ROBO1: variants seen among roughly 807,000 people sequenced by gnomAD.
ROBO1 encodes the protein roundabout guidance receptor 1.
Under a neutral mutation model 195.9 loss-of-function variants are expected in ROBO1, and 149 were observed. That is an observed-to-expected ratio of 0.76 (90% CI 0.67 to 0.87). The LOEUF (loss-of-function observed/expected upper bound fraction) is 0.87. ROBO1 is among the 40% of genes least tolerant of loss of function. ROBO1 has a pLI of 0.00. For missense variants in ROBO1, 1,933 were observed against 2,068.3 expected (o/e 0.93, Z 1.27); for synonymous variants, 816 against 733.2 (o/e 1.11, Z -1.82).
At chr3:78,612,067 T>C (rs1181447815) in intron 28 of ROBO1, among the ~76,000 whole-genome samples, 2 of 152,212 alleles carry the variant, frequency 1.3e-5, no homozygotes, top group African/African-American at 4.8e-5. Flanking sequence ...AAATTACTCT[T>C]TATCCGTTCA....
intron 1 of ROBO1, among the ~76,000 whole-genome samples, chr3:79,606,052 A>G (rs767167274): frequency 1.3e-5 from 2 of 151,194 alleles, no homozygotes; most frequent in Non-Finnish European, 2.9e-5. Flanking sequence ...ATATATATAT[A>G]CACCCATTTA....
intron 10 of ROBO1, among the ~76,000 whole-genome samples, chr3:78,684,506 G>T (rs2081006247): frequency 6.6e-6 from 1 of 152,076 alleles, no homozygotes; most frequent in Non-Finnish European, 1.5e-5. Context: ...TTACTTCACG[G>T]CATGCGTATT....
intron 4 of ROBO1, among the ~76,000 whole-genome samples, chr3:78,862,702 A>G (rs915389232): frequency 6.6e-6 from 1 of 152,138 alleles, no homozygotes; most frequent in Non-Finnish European, 1.5e-5. Context: ...AAATATGTTA[A>G]AAGTTAATCA....
chr3:79,400,792 A>G lies in ROBO1; in HGVS notation c.88+189032T>C, dbSNP rs554271907. On this transcript the variant is annotated intron_variant, in intron 2 of 30. Coordinates refer to ENST00000464233, the MANE Select transcript of ROBO1 (RefSeq NM_002941.4). ...TTGATTAATTGGTTAATTGATGTAT[A>G]TATGTGTAAATGGATGGGTTTTATT... 4.6e-5 allele frequency among the ~76,000 whole-genome samples: 7 copies of G among 152,084 alleles called. No individual in the cohort carries two copies. In the South Asian group the frequency reaches 1.5e-3, roughly 32 times the overall value.
intron 3 of ROBO1, among the ~76,000 whole-genome samples, chr3:79,099,281 T>G (rs1026616272): frequency 1.3e-5 from 2 of 151,704 alleles, no homozygotes; most frequent in Non-Finnish European, 2.9e-5. Flanking sequence ...GCTTACATAT[T>G]GGGCACACAA....
At chr3:79,701,456 A>G (rs980398252) in intron 1 of ROBO1, among the ~76,000 whole-genome samples, 8 of 151,750 alleles carry the variant, frequency 5.3e-5, no homozygotes, top group Non-Finnish European at 2.9e-5. Context: ...TGACAGAACT[A>G]TGAGCTAAAA....
At chr3:79,070,794 C>A (rs1042859057) in intron 3 of ROBO1, among the ~76,000 whole-genome samples, 1 of 151,780 alleles carries the variant, frequency 6.6e-6, no homozygotes, top group African/African-American at 2.4e-5. Context: ...TCAGGCATCA[C>A]TTTCAGCCAA....
At chr3:78,680,688 T>A (rs1159264678) in intron 10 of ROBO1, among the ~76,000 whole-genome samples, 1 of 145,030 alleles carries the variant, frequency 6.9e-6, no homozygotes, top group Non-Finnish European at 1.5e-5. Flanking sequence ...AAACAACAGG[T>A]GCTGGAGAGG....
intron 3 of ROBO1, among the ~76,000 whole-genome samples, chr3:79,000,977 T>C (rs960928783): frequency 1.3e-5 from 2 of 152,092 alleles, no homozygotes; most frequent in African/African-American, 4.8e-5. Flanking sequence ...TGCAGGGACA[T>C]GGATGGAGCT....
At chr3:79,119,466 C>A (rs2080075983) in intron 3 of ROBO1, among the ~76,000 whole-genome samples, 1 of 152,138 alleles carries the variant, frequency 6.6e-6, no homozygotes, top group Non-Finnish European at 1.5e-5. Context: ...TGCTTGCTTG[C>A]ATATTTTCCA....
At chr3:78,850,944 T>TTA (rs2034020426) in intron 4 of ROBO1, among the ~76,000 whole-genome samples, 2 of 151,958 alleles carry the variant, frequency 1.3e-5, no homozygotes, top group Non-Finnish European at 2.9e-5. Context: ...GTAGCTGGGA[T>TTA]TACAGGTGCC....
intron 1 of ROBO1, among the ~76,000 whole-genome samples, chr3:79,654,833 A>C (rs1946113547): frequency 1.3e-5 from 2 of 151,922 alleles, no homozygotes; most frequent in South Asian, 4.1e-4. Context: ...CTGATAAACT[A>C]TTCCTATTTC....
intron 3 of ROBO1, among the ~76,000 whole-genome samples, chr3:78,958,089 T>C (rs1009281423): frequency 1.3e-5 from 2 of 152,226 alleles, no homozygotes; most frequent in African/African-American, 4.8e-5. Context: ...GGACAATATA[T>C]AATACAGTCT....
At chr3:78,837,594 G>C (rs2032851599) in intron 4 of ROBO1, among the ~76,000 whole-genome samples, 1 of 151,914 alleles carries the variant, frequency 6.6e-6, no homozygotes. Flanking sequence ...AGAATAAATG[G>C]CAAAACTATC....
chr3:78,812,713 C>T (rs995048201), intron 4 of ROBO1, among the ~76,000 whole-genome samples: 1 of 151,936 alleles, frequency 6.6e-6, no homozygotes, highest in African/African-American at 2.4e-5. Flanking sequence ...TTTTGTCACC[C>T]CAGCACCTAG....
intron 1 of ROBO1, among the ~76,000 whole-genome samples, chr3:79,767,415 CAACA>C (rs760053734): frequency 2.6e-5 from 4 of 152,176 alleles, no homozygotes; most frequent in African/African-American, 9.7e-5. Flanking sequence ...GCCACACACA[CAACA>C]AACAAATTCC....
At chr3:78,607,263 A>T (rs1703522040) in intron 28 of ROBO1, 10 of 513,104 alleles carry the variant, frequency 1.9e-5, no homozygotes, top group Non-Finnish European at 3.4e-5. Flanking sequence ...TTCAGGCTAC[A>T]GTGCAGGTGC....
chr3:79,374,029 C>G (rs1010699736), intron 2 of ROBO1, among the ~76,000 whole-genome samples: 1 of 152,020 alleles, frequency 6.6e-6, no homozygotes, highest in African/African-American at 2.4e-5. Flanking sequence ...TCATAAGATT[C>G]TATTAAAAGC....
At chr3:79,585,912 A>C (rs75430379) in intron 2 of ROBO1, among the ~76,000 whole-genome samples, 11 of 152,004 alleles carry the variant, frequency 7.2e-5, no homozygotes, top group African/African-American at 2.2e-4. Flanking sequence ...CAGGTTTTAA[A>C]TGACATATAT....
Sources: gnomAD v4.1 joint callset for allele counts (sites outside exome capture counted in the v4.1 genomes callset) on GRCh38, gnomAD v4.1.1 for gene constraint, MANE v1.5 for transcripts, NCBI Gene and HGNC (gene_info 2026-07-23, HGNC 2026-07-21) for gene names.